The following AMD1 variants were observed in gnomAD, a reference collection of about 807,000 sequenced individuals.
AMD1 encodes the protein adenosylmethionine decarboxylase 1.
AMD1 carries 11 observed loss-of-function variants against 40.2 expected under a neutral mutation model. The observed-to-expected ratio is 0.27, with a 90% CI of 0.17 to 0.45. AMD1 has a LOEUF of 0.45. AMD1 is among the 20% of genes least tolerant of loss of function. The pLI, the probability that AMD1 is intolerant of heterozygous loss-of-function variation, is 1.00. For missense variants in AMD1, 257 were observed against 410.2 expected (o/e 0.63, Z 3.23); for synonymous variants, 121 against 130.8 (o/e 0.93, Z 0.51).
the AMD1 span, among the ~76,000 whole-genome samples, chr6:110,865,688 C>G: frequency 6.6e-6 from 1 of 152,026 alleles, no homozygotes; most frequent in South Asian, 2.1e-4. Context: ...AGCCACTGAG[C>G]CTGGCCCAAA....
chr6:110,817,116 A>G, the AMD1 span, among the ~76,000 whole-genome samples: 84 of 152,324 alleles, frequency 5.5e-4, no homozygotes, highest in Non-Finnish European at 1.0e-3. Context: ...ACACTTAAAC[A>G]TGATTGGTGC....
the AMD1 span, among the ~76,000 whole-genome samples, chr6:110,830,207 G>A: frequency 1.3e-5 from 2 of 152,088 alleles, no homozygotes; most frequent in Admixed American, 6.5e-5. Flanking sequence ...ATTAGAGATG[G>A]GGTTTCACCA....
At chr6:110,876,259 A>C (rs1785107062) in intron 1 of AMD1, among the ~76,000 whole-genome samples, 1 of 152,218 alleles carries the variant, frequency 6.6e-6, no homozygotes, top group Admixed American at 6.5e-5. Context: ...ACCGGTGGCC[A>C]CCAATGGCCT....
the AMD1 span, among the ~76,000 whole-genome samples, chr6:110,853,279 T>C: frequency 1.3e-5 from 2 of 151,124 alleles, no homozygotes; most frequent in Admixed American, 1.3e-4. Context: ...TGTACTACCA[T>C]GTTCAGCGAA....
At chr6:110,889,599 A>G (rs1408468805) in intron 3 of AMD1, 4 of 152,306 alleles carry the variant, frequency 2.6e-5, no homozygotes, top group African/African-American at 9.7e-5. Context: ...GCCCACCACC[A>G]TGCCTGGCTA....
chr6:110,875,902 GACGGCGCAGTCCCCGGGGCCGCCCTCGAC>G (rs923209164), intron 1 of AMD1, among the ~76,000 whole-genome samples: 1 of 152,114 alleles, frequency 6.6e-6, no homozygotes, highest in African/African-American at 2.4e-5. Flanking sequence ...CGGCTGGGCA[GACGGCGCAGTCCCCGGGGCCGCCCTCGAC>G]ACGGCCGCTG....
chr6:110,837,266 C>T, the AMD1 span, among the ~76,000 whole-genome samples: 1 of 140,528 alleles, frequency 7.1e-6, no homozygotes, highest in African/African-American at 2.7e-5. Flanking sequence ...CCCAGGAGAT[C>T]GAGATCAGTC....
chr6:110,884,588 C>A (rs1785587276), intron 1 of AMD1, among the ~76,000 whole-genome samples: 1 of 152,238 alleles, frequency 6.6e-6, no homozygotes, highest in Non-Finnish European at 1.5e-5. Flanking sequence ...CCTGCACCAC[C>A]ACTCCCAGCT....
chr6:110,842,071 G>T, the AMD1 span, among the ~76,000 whole-genome samples: 58 of 152,260 alleles, frequency 3.8e-4, no homozygotes, highest in African/African-American at 1.3e-3. Context: ...CCAAAGTGCT[G>T]GGATTATATG....
chr6:110,881,824 C>CAAA (rs11436863), intron 1 of AMD1, among the ~76,000 whole-genome samples: 3 of 138,874 alleles, frequency 2.2e-5, no homozygotes, highest in African/African-American at 7.7e-5. Flanking sequence ...GACTGCATCT[C>CAAA]AAAAAAAAAA....
At chr6:110,863,192 G>T in the AMD1 span, among the ~76,000 whole-genome samples, 56 of 151,688 alleles carry the variant, frequency 3.7e-4, 2 homozygotes, top group Non-Finnish European at 1.0e-4. Flanking sequence ...TGATCCGCCC[G>T]CCTCGGCCTC....
At chr6:110,859,773 G>A in the AMD1 span, among the ~76,000 whole-genome samples, 2 of 152,130 alleles carry the variant, frequency 1.3e-5, no homozygotes, top group East Asian at 1.9e-4. Context: ...GGAATTCTGC[G>A]TTGTTGGGGC....
the AMD1 span, among the ~76,000 whole-genome samples, chr6:110,863,030 T>C: frequency 5.3e-5 from 8 of 151,742 alleles, no homozygotes; most frequent in South Asian, 2.1e-4. Flanking sequence ...CTGCAAGCTC[T>C]GCCTCCCGTG....
chr6:110,860,810 C>A, the AMD1 span, among the ~76,000 whole-genome samples: 3 of 144,260 alleles, frequency 2.1e-5, no homozygotes, highest in Non-Finnish European at 3.0e-5. Flanking sequence ...AGAAAAAAAA[C>A]AAAAACAAAA....
chr6:110,849,564 C>G, the AMD1 span, among the ~76,000 whole-genome samples: 1 of 152,010 alleles, frequency 6.6e-6, no homozygotes, highest in Non-Finnish European at 1.5e-5. Context: ...ACATGGAATT[C>G]CTTGAATAAA....
chr6:110,861,608 A>G, the AMD1 span, among the ~76,000 whole-genome samples: 1 of 152,028 alleles, frequency 6.6e-6, no homozygotes, highest in Admixed American at 6.6e-5. Flanking sequence ...TTGGGGGGCC[A>G]AAGTGGATGG....
chr6:110,861,368 A>C, the AMD1 span, among the ~76,000 whole-genome samples: 3 of 149,340 alleles, frequency 2.0e-5, no homozygotes, highest in Non-Finnish European at 3.0e-5. Context: ...AAAAAAAAAA[A>C]AAAAAATTAG....
chr6:110,875,165 G>A lies in AMD1; in HGVS notation c.60G>A (p.Arg20=), dbSNP rs770928759. The stretch of plus-strand genomic sequence containing the variant: ...AGCTGCTGGAGGTTTGGTTCTCCCG[G>A]CAGCAGCCCGACGCAAACCAAGGAT... ...TEKLLEVWFS[R]QQPDANQGSG... The change falls in exon 1 of 9, where the codon CGG becomes CGA. Residue 20 remains arginine (R), a synonymous_variant. Coordinates refer to ENST00000368885, the MANE Select transcript of AMD1 (RefSeq NM_001634.6). 1 of 1,613,172 alleles carries A rather than the reference G, an allele frequency of 6.2e-7. No homozygotes were observed. The highest frequency in any genetic ancestry group is 2.2e-5 in the East Asian group (1 of 44,828).
At chr6:110,888,756 A>G in intron 2 of AMD1, 101 bp from the exon 3 acceptor site, 1 of 1,252,706 alleles carries the variant, frequency 8.0e-7, no homozygotes, top group Non-Finnish European at 1.1e-6. Context: ...CCTAATATTT[A>G]AAAGTACTAG....
Sources: gnomAD v4.1 joint callset for allele counts (sites outside exome capture counted in the v4.1 genomes callset) on GRCh38, gnomAD v4.1.1 for gene constraint, MANE v1.5 for transcripts, NCBI Gene and HGNC (gene_info 2026-07-23, HGNC 2026-07-21) for gene names.